ZW10: variants seen among roughly 807,000 people sequenced by gnomAD.
ZW10 encodes centromere/kinetochore protein zw10 homolog.
Under a neutral mutation model 87.8 loss-of-function variants are expected in ZW10, and 53 were observed. That is an observed-to-expected ratio of 0.60 (90% CI 0.48 to 0.76). ZW10 has a LOEUF of 0.76. ZW10 is among the 30% of genes least tolerant of loss of function. The pLI is 0.00. For missense variants in ZW10, 837 were observed against 923.0 expected (o/e 0.91, Z 1.21); for synonymous variants, 312 against 329.2 (o/e 0.95, Z 0.57).
Position 113,761,039 on chromosome 11 carries a change from G to C in ZW10, c.241-121C>G. ...AATTTATGTTGAAATTTAAATGCTA[G>C]TTAAGACTGGAATAAAAATCACAGA... On this transcript the variant is annotated intron_variant, in intron 2 of 15. Coordinates refer to ENST00000200135, the MANE Select transcript of ZW10 (RefSeq NM_004724.4). The C allele has an allele frequency of 5.5e-6, 4 of 730,832 alleles. No individual in the cohort carries two copies. The South Asian group carries it at 7.7e-5, about 14-fold the overall frequency. 45.3% of individuals were successfully genotyped at this position (730,832 alleles called of 1,614,324 possible). A position where few individuals can be genotyped will look rare whatever the true frequency, so the allele number is the denominator to read the frequency against.
At chr11:113,770,944 C>A (rs1953959225) in intron 1 of ZW10, among the ~76,000 whole-genome samples, 1 of 150,462 alleles carries the variant, frequency 6.6e-6, no homozygotes, top group Admixed American at 6.6e-5. Context: ...GTCTGTACTT[C>A]CTCAAGTCGG....
chr11:113,748,265 A>G lies in ZW10; in HGVS notation c.1081T>C (p.Tyr361His). The G allele has an allele frequency of 1.2e-6, 2 of 1,611,412 alleles. No homozygotes were observed. Among genetic ancestry groups the G allele is most frequent in the Non-Finnish European group, 1.7e-6 (2 of 1,179,302 alleles). The change falls in exon 8 of 16, where the codon TAT becomes CAT. Residue 361 changes from tyrosine to histidine, a missense_variant. Transcript: ENST00000200135. The stretch of plus-strand genomic sequence containing the variant: ...CTGTCTGGGCTCTTTACCTCTTCAT[A>G]TTGCTGTAATTTGCTGCTATTTGTT... Reference protein sequence around the residue: ...IPTNSSKLQQYEEIIQSTEEF... With the variant: ...IPTNSSKLQQHEEIIQSTEEF...
At chr11:113,773,129 G>A (rs1480364813) in intron 1 of ZW10, among the ~76,000 whole-genome samples, 11 of 151,928 alleles carry the variant, frequency 7.2e-5, no homozygotes, top group Admixed American at 1.3e-4. Flanking sequence ...CTCATCGATG[G>A]AAGAAGGGGA....
intron 1 of ZW10, among the ~76,000 whole-genome samples, chr11:113,772,367 G>A (rs1280483577): frequency 6.6e-6 from 1 of 152,112 alleles, no homozygotes; most frequent in Non-Finnish European, 1.5e-5. Flanking sequence ...GAGATGTCAG[G>A]GATATGACTA....
intron 2 of ZW10, 101 bp from the exon 3 acceptor site, chr11:113,761,019 A>T: frequency 1.2e-6 from 1 of 865,932 alleles, no homozygotes; most frequent in Non-Finnish European, 1.8e-6. Flanking sequence ...AACATAATTT[A>T]TGTTGAAATT....
At chr11:113,744,106 G>A (rs931054865) in intron 9 of ZW10, 66 bp from the exon 10 acceptor site, 75 of 1,334,712 alleles carry the variant, frequency 5.6e-5, no homozygotes, top group Middle Eastern at 2.1e-4. Flanking sequence ...ATAAGCACAC[G>A]GCCGGGCATG....
intron 8 of ZW10, 92 bp downstream of exon 8, chr11:113,748,165 A>C: frequency 8.1e-7 from 1 of 1,229,782 alleles, no homozygotes; most frequent in Non-Finnish European, 1.1e-6. Context: ...TAAAGGTATA[A>C]CTAAAGAACA....
At chr11:113,739,503 C>T (rs148069699) in intron 11 of ZW10, 121 bp from the exon 12 acceptor site, 11 of 845,832 alleles carry the variant, frequency 1.3e-5, no homozygotes, top group Non-Finnish European at 1.8e-5. Flanking sequence ...TTTCTAAATG[C>T]TATACATAAC....
chr11:113,767,796 T>C (rs915735591), intron 2 of ZW10, among the ~76,000 whole-genome samples: 1 of 152,192 alleles, frequency 6.6e-6, no homozygotes, highest in Non-Finnish European at 1.5e-5. Context: ...TCATCTTATG[T>C]CCCTTCCCAC....
intron 7 of ZW10, among the ~76,000 whole-genome samples, chr11:113,755,678 A>T (rs899984275): frequency 6.6e-6 from 1 of 152,186 alleles, no homozygotes; most frequent in Admixed American, 6.5e-5. Context: ...ATCAAACAGC[A>T]CTGCATGCTA....
At chr11:113,742,391 A>C (rs1953629844) in intron 10 of ZW10, among the ~76,000 whole-genome samples, 1 of 152,216 alleles carries the variant, frequency 6.6e-6, no homozygotes, top group African/African-American at 2.4e-5. Flanking sequence ...CGTACCTTAA[A>C]AGCTTACAGG....
At chr11:113,744,657 T>G (rs1029023452) in intron 9 of ZW10, among the ~76,000 whole-genome samples, 1 of 151,994 alleles carries the variant, frequency 6.6e-6, no homozygotes, top group Non-Finnish European at 1.5e-5. Flanking sequence ...GGCACAATCA[T>G]AGCTCACTGT....
At chr11:113,753,747 C>G (rs1446525416) in intron 7 of ZW10, among the ~76,000 whole-genome samples, 1 of 152,136 alleles carries the variant, frequency 6.6e-6, no homozygotes, top group African/African-American at 2.4e-5. Flanking sequence ...GAAGCTCAAA[C>G]CCACCATGAC....
At chr11:113,743,722 G>A (rs1157754669) in intron 10 of ZW10, 80 bp downstream of exon 10, 9 of 1,122,380 alleles carry the variant, frequency 8.0e-6, no homozygotes, top group Non-Finnish European at 1.1e-5. Context: ...AAGAATTCCA[G>A]CTAATTTTCC....
chr11:113,757,210 G>A (rs192134901), intron 7 of ZW10, among the ~76,000 whole-genome samples: 2 of 152,176 alleles, frequency 1.3e-5, no homozygotes, highest in East Asian at 3.9e-4. Context: ...TGTGTCTAGT[G>A]TGAATACACC....
rs758920195 is a variant in ZW10 at position 113,758,699 on chromosome 11, G to C, written c.588C>G (p.Ser196Arg). The change falls in exon 6 of 16, where the codon AGC becomes AGG. Residue 196 changes from serine (S) to arginine (R), a missense_variant. Ser to Arg is a moderately radical substitution (Grantham distance 110). Coordinates refer to ENST00000200135, the MANE Select transcript of ZW10 (RefSeq NM_004724.4). Reference protein sequence around the residue: ...VWKFPPSKDTSSLESYLQTEL... With the variant: ...VWKFPPSKDTRSLESYLQTEL... ...CAGTTTGTAGGTAAGATTCCAAACTGCTGGTATCTAAGAAAAAGGAAGAAA... is the reference window on the plus strand; with the variant it reads ...CAGTTTGTAGGTAAGATTCCAAACTCCTGGTATCTAAGAAAAAGGAAGAAA... 6.2e-7 allele frequency: 1 copy of C among 1,613,742 alleles called. No homozygotes were observed. Among genetic ancestry groups the C allele is most frequent in the South Asian group, 1.1e-5 (1 of 90,954 alleles).
At chr11:113,769,637 C>T (rs1953943302) in intron 1 of ZW10, 6 of 265,592 alleles carry the variant, frequency 2.3e-5, no homozygotes, top group South Asian at 4.0e-5. Context: ...GCAGTAGATG[C>T]GGGAAGCCGG....
chr11:113,760,781 C>T, intron 3 of ZW10, 36 bp downstream of exon 3: 2 of 1,584,096 alleles, frequency 1.3e-6, no homozygotes, highest in Non-Finnish European at 1.7e-6. Context: ...ACCTTCCCAC[C>T]ACCAAAACAC....
chr11:113,733,973 T>C (rs955156065), intron 15 of ZW10, among the ~76,000 whole-genome samples, 159 bp from the exon 16 acceptor site: 1 of 152,242 alleles, frequency 6.6e-6, no homozygotes, highest in Non-Finnish European at 1.5e-5. Context: ...CCCCTCAATG[T>C]GTCTGACCTC....
Sources: gnomAD v4.1 joint callset for allele counts (sites outside exome capture counted in the v4.1 genomes callset) on GRCh38, gnomAD v4.1.1 for gene constraint, MANE v1.5 for transcripts, NCBI Gene and HGNC (gene_info 2026-07-23, HGNC 2026-07-21) for gene names.